The following TNRC6A variants were observed in gnomAD, a reference collection of about 807,000 sequenced individuals.
TNRC6A encodes the protein trinucleotide repeat-containing gene 6A protein.
In TNRC6A, 44 loss-of-function variants were observed where a neutral mutation model predicts 221.2. The ratio of observed to expected loss-of-function variants is 0.20; its 90% CI spans 0.16 to 0.26. TNRC6A has a LOEUF of 0.26. Among genes scored for constraint, TNRC6A ranks in the 10% least tolerant of loss-of-function variants. The pLI is 1.00. For missense variants in TNRC6A, 2,199 were observed against 2,404.4 expected, an observed-to-expected ratio of 0.91 and a Z score of 1.79; for synonymous variants, 847 against 838.5, an observed-to-expected ratio of 1.01 and a Z score of -0.18.
intron 1 of TNRC6A, among the ~76,000 whole-genome samples, chr16:24,638,856 A>G (rs1186386821): frequency 6.6e-6 from 1 of 152,240 alleles, no homozygotes; most frequent in African/African-American, 2.4e-5. Context: ...TGTTTTAAAA[A>G]ATCATTTCTG....
intron 5 of TNRC6A, among the ~76,000 whole-genome samples, chr16:24,784,790 G>A (rs1447210747): frequency 3.9e-5 from 6 of 152,094 alleles, no homozygotes; most frequent in Non-Finnish European, 5.9e-5. Flanking sequence ...CCACCAAACC[G>A]GGTCATGACC....
In TNRC6A at chr16:24,791,121, G is replaced by T; in HGVS notation, c.2479G>T (p.Ala827Ser). The change falls in exon 6 of 25, where the codon GCT becomes TCT. Residue 827 changes from alanine (A) to serine (S), a missense_variant. Physicochemically the swap from Ala to Ser is moderately conservative, Grantham distance 99 (BLOSUM62 1). Transcript: ENST00000395799. ...NQWGNCKEEKAAWNDSQKNKQ... is the reference protein window; with the variant it reads ...NQWGNCKEEKSAWNDSQKNKQ... ...GTGGGGGAATTGCAAAGAGGAGAAGGCTGCATGGAATGACTCGCAAAAGAA... is the reference window on the plus strand; with the variant it reads ...GTGGGGGAATTGCAAAGAGGAGAAGTCTGCATGGAATGACTCGCAAAAGAA... 6.2e-7 allele frequency: 1 copy of T among 1,613,990 alleles called. No individual in the cohort carries two copies. Among genetic ancestry groups the T allele is most frequent in the Non-Finnish European group, 8.5e-7 (1 of 1,179,956 alleles).
chr16:24,762,057 A>C (rs2057375424), intron 4 of TNRC6A, among the ~76,000 whole-genome samples: 1 of 152,054 alleles, frequency 6.6e-6, no homozygotes, highest in Non-Finnish European at 1.5e-5. Flanking sequence ...CTCCTAAGGG[A>C]GTTATGGGAA....
chr16:24,665,254 T>C (rs1338603863), intron 2 of TNRC6A, among the ~76,000 whole-genome samples: 1 of 152,040 alleles, frequency 6.6e-6, no homozygotes, highest in Non-Finnish European at 1.5e-5. Flanking sequence ...TTAATTTTTC[T>C]TATAGACACG....
At chr16:24,625,648 C>T (rs1900929508) in intron 1 of TNRC6A, among the ~76,000 whole-genome samples, 1 of 150,012 alleles carries the variant, frequency 6.7e-6, no homozygotes. Flanking sequence ...ATGGCGTGAA[C>T]CCGGGAGGCG....
chr16:24,713,409 CTCTG>C (rs971591583), intron 2 of TNRC6A, among the ~76,000 whole-genome samples: 2 of 150,318 alleles, frequency 1.3e-5, no homozygotes, highest in African/African-American at 4.9e-5. Context: ...CAGAGTAAAA[CTCTG>C]TCTAAAACAA....
At chr16:24,725,958 C>A (rs1442390023), upstream of TNRC6A, among the ~76,000 whole-genome samples, 1 of 151,674 alleles carries the variant, frequency 6.6e-6, no homozygotes, top group Non-Finnish European at 1.5e-5. Flanking sequence ...TGAGATCATG[C>A]CACTGCACTC....
chr16:24,689,428 G>A (rs753194057), intron 2 of TNRC6A, among the ~76,000 whole-genome samples: 9 of 152,196 alleles, frequency 5.9e-5, no homozygotes, highest in Non-Finnish European at 1.3e-4. Context: ...AGACATTTAG[G>A]AGTGAAGGCT....
At chr16:24,679,769 A>C (rs1346200758) in intron 2 of TNRC6A, among the ~76,000 whole-genome samples, 5 of 150,142 alleles carry the variant, frequency 3.3e-5, no homozygotes, top group African/African-American at 1.2e-4. Flanking sequence ...GAGCCACCCC[A>C]CCTGGCAATT....
intron 3 of TNRC6A, among the ~76,000 whole-genome samples, chr16:24,752,462 G>A (rs1227498946): frequency 6.6e-6 from 1 of 152,188 alleles, no homozygotes; most frequent in Non-Finnish European, 1.5e-5. Flanking sequence ...CTTGCTCTTA[G>A]GGGTGCCTGG....
chr16:24,630,503 A>C (rs1204193861), intron 1 of TNRC6A, among the ~76,000 whole-genome samples: 1 of 152,166 alleles, frequency 6.6e-6, no homozygotes, highest in African/African-American at 2.4e-5. Flanking sequence ...GTTTCTACAA[A>C]AACAAACAAC....
intron 1 of TNRC6A, among the ~76,000 whole-genome samples, chr16:24,616,037 T>C (rs1900325943): frequency 6.6e-6 from 1 of 151,718 alleles, no homozygotes; most frequent in South Asian, 2.1e-4. Flanking sequence ...TAAATTTACT[T>C]TTTAATTAGC....
chr16:24,637,514 C>T (rs556876865), intron 1 of TNRC6A, among the ~76,000 whole-genome samples: 15 of 151,968 alleles, frequency 9.9e-5, no homozygotes, highest in Non-Finnish European at 2.1e-4. Context: ...ATTAAATGTA[C>T]AATATATTAG....
At position 24,671,656 on chromosome 16, in the gene TNRC6A, T is replaced by G. The variant is rs577747353; in HGVS notation, n.402+30647T>G. On this transcript the variant is annotated intron_variant and non_coding_transcript_variant, in intron 2 of 2. Coordinates refer to the TNRC6A transcript ENST00000566108. ...CCTAGAAAACACCCCGAGGAAACAA[T>G]CACACGAATCCAAAATGTGAGATGT... Among the ~76,000 whole-genome samples the G allele has an allele frequency of 7.9e-5, 12 of 152,200 alleles. No individual in the cohort carries two copies. The South Asian group carries it at 2.1e-3, about 26-fold the overall frequency.
intron 2 of TNRC6A, among the ~76,000 whole-genome samples, chr16:24,738,609 G>A (rs886684489): frequency 2.6e-5 from 4 of 152,250 alleles, no homozygotes; most frequent in Non-Finnish European, 5.9e-5. Flanking sequence ...CCATCATGTC[G>A]CATATATCCT....
chr16:24,637,938 C>T (rs1349100928), intron 1 of TNRC6A, among the ~76,000 whole-genome samples: 1 of 152,090 alleles, frequency 6.6e-6, no homozygotes, highest in African/African-American at 2.4e-5. Flanking sequence ...GCTCGCGCCA[C>T]CACACCCAGC....
At chr16:24,648,506 A>C (rs188249307) in intron 2 of TNRC6A, among the ~76,000 whole-genome samples, 1 of 151,934 alleles carries the variant, frequency 6.6e-6, no homozygotes, top group South Asian at 2.1e-4. Flanking sequence ...TCCTGACCTC[A>C]TGATTCACCC....
intron 5 of TNRC6A, among the ~76,000 whole-genome samples, chr16:24,778,162 C>T (rs1300610259): frequency 1.3e-5 from 2 of 152,160 alleles, no homozygotes; most frequent in African/African-American, 4.8e-5. Flanking sequence ...TAGACTAGGG[C>T]CTTACATCCC....
rs182371000 is a variant in TNRC6A, at chr16:24,786,969, C to T, written c.590-2263C>T. 7.0e-4 allele frequency among the ~76,000 whole-genome samples: 107 copies of T among 152,304 alleles called. 1 individual carries two copies. Among genetic ancestry groups the T allele is most frequent in the African/African-American group, 2.5e-3 (102 of 41,578 alleles). ...GTGTTGAGATTACAGGCATAAGCCA[C>T]GGCGCCCGGCCTGGTACTAATACTG... On this transcript the variant is annotated intron_variant, in intron 5 of 24. Transcript: ENST00000395799.
Sources: allele counts gnomAD v4.1 joint callset (sites outside exome capture counted in the v4.1 genomes callset), GRCh38; gene constraint gnomAD v4.1.1; transcripts MANE v1.5; gene names NCBI Gene and HGNC (gene_info 2026-07-23, HGNC 2026-07-21).